MEGF8: variants seen among roughly 807,000 people sequenced by gnomAD.
The protein encoded by MEGF8 is multiple EGF like domains 8.
In MEGF8, 156 loss-of-function variants were observed where a neutral mutation model predicts 302.9. That is an observed-to-expected ratio of 0.52 (90% CI 0.45 to 0.59). The LOEUF (loss-of-function observed/expected upper bound fraction) is 0.59, where lower values mean the gene tolerates loss of function less well. Among genes scored for constraint, MEGF8 ranks in the 20% least tolerant of loss-of-function variants. The pLI, the probability that MEGF8 is intolerant of heterozygous loss-of-function variation, is 0.00. For missense variants in MEGF8, 3,345 were observed against 3,964.5 expected (o/e 0.84, Z 4.20); for synonymous variants, 1,621 against 1,660.5 (o/e 0.98, Z 0.58).
chr19:42,362,487 G>C lies in MEGF8; in HGVS notation c.5948G>C (p.Arg1983Pro), dbSNP rs968400094. The C allele has an allele frequency of 1.2e-6, 2 of 1,613,858 alleles. No homozygotes were observed. The highest frequency in any genetic ancestry group is 2.7e-5 in the African/African-American group (2 of 74,942). ...GAGAATGACTGTCGGATCAACCAGC[G>C]AGAGGTCTTCTGGGCAGGGAACTGC... ...TSENDCRINQ[R>P]EVFWAGNCSE... is the part of the protein sequence containing the mutation. Residue 1983 changes from arginine to proline, a missense_variant, in exon 34 of 42, where the codon CGA becomes CCA. By Grantham distance (103) the Arg-to-Pro change is moderately radical (BLOSUM62 -2). Transcript: ENST00000251268.
At chr19:42,372,074 A>ACAACAACAAACAC (rs1555784681) in intron 41 of MEGF8, among the ~76,000 whole-genome samples, 1 of 79,230 alleles carries the variant, frequency 1.3e-5, no homozygotes, top group African/African-American at 3.7e-5. Flanking sequence ...AACAACAACA[A>ACAACAACAAACAC]ACACACACAC....
At position 42,344,749 on chromosome 19, in the gene MEGF8, G is replaced by T. The variant is rs746207162; in HGVS notation, c.2013G>T (p.Leu671=). ...CTGCGCCTGTCTTCGTCACGTCCCT[G>T]GAGGCCTGCGTCACCCAGAGCTTCC... is the stretch of plus-strand genomic sequence containing the variant. ...WGPAPVFVTS[L]EACVTQSFLP... Residue 671 remains leucine, a synonymous_variant, in exon 12 of 42, where the codon CTG becomes CTT. Coordinates refer to ENST00000251268, the MANE Select transcript of MEGF8 (RefSeq NM_001271938.2). The surrounding 1 kb of genome is among the most constrained non-coding windows in gnomAD (Gnocchi z 4.5). 3 of 1,612,374 alleles carry T rather than the reference G, an allele frequency of 1.9e-6. No individual in the cohort carries two copies. In the East Asian group the frequency reaches 6.7e-5, roughly 36 times the overall value.
chr19:42,337,510 T>TC (rs1040878894), intron 8 of MEGF8, among the ~76,000 whole-genome samples: 14 of 148,748 alleles, frequency 9.4e-5, no homozygotes, highest in African/African-American at 2.7e-4. Flanking sequence ...TCTTTTCTTT[T>TC]TTTTTTTTTT....
In MEGF8 at chr19:42,335,060, C is replaced by T. The variant is rs1305476517; in HGVS notation, c.584C>T (p.Pro195Leu). ...ASPLGPCRCE[P>L]GFLGRACDLH... is the part of the protein sequence containing the mutation. ...CCCCTGGGACCATGCCGCTGTGAGCCTGGCTTCTTGGGACGTGCCTGTGAC... is the reference window on the plus strand; with the variant it reads ...CCCCTGGGACCATGCCGCTGTGAGCTTGGCTTCTTGGGACGTGCCTGTGAC... Residue 195 changes from proline (P) to leucine (L), a missense_variant, in exon 4 of 42, where the codon CCT becomes CTT. By Grantham distance (98) the Pro-to-Leu change is moderately conservative. Transcript: ENST00000251268. 4 of 1,613,432 alleles carry T rather than the reference C, an allele frequency of 2.5e-6. No individual in the cohort carries two copies. In the African/African-American group the frequency reaches 4.0e-5, roughly 16 times the overall value.
chr19:42,333,227 A>T (rs1160732374), intron 1 of MEGF8, among the ~76,000 whole-genome samples: 1 of 152,182 alleles, frequency 6.6e-6, no homozygotes, highest in Non-Finnish European at 1.5e-5. Context: ...ACATGTCTGA[A>T]ACTCAGGCAT....
chr19:42,333,693 C>T lies in MEGF8; in HGVS notation c.276C>T (p.Asp92=), dbSNP rs753751733. ...ACTACCTGTTCGTGTATGACGGTGACTCCCCGCGAGGGCCGCTGCTTGCCA... is the reference window on the plus strand; with the variant it reads ...ACTACCTGTTCGTGTATGACGGTGATTCCCCGCGAGGGCCGCTGCTTGCCA... The part of the protein sequence containing the change: ...TYDYLFVYDG[D]SPRGPLLASL... Residue 92 remains aspartate, a synonymous_variant, in exon 2 of 42, where the codon GAC becomes GAT. Coordinates refer to ENST00000251268, the MANE Select transcript of MEGF8 (RefSeq NM_001271938.2). 4 of 1,614,016 alleles carry T rather than the reference C, an allele frequency of 2.5e-6. No individual in the cohort carries two copies. Among genetic ancestry groups the T allele is most frequent in the Non-Finnish European group, 3.4e-6 (4 of 1,179,898 alleles).
chr19:42,352,002 C>T lies in MEGF8; in HGVS notation c.3102-206C>T, dbSNP rs912574935. On this transcript the variant is annotated intron_variant, in intron 18 of 41. Coordinates refer to ENST00000251268, the MANE Select transcript of MEGF8 (RefSeq NM_001271938.2). This position sits in a 1 kb window ranked among gnomAD's most constrained non-coding sequence, Gnocchi z 4.4. The stretch of plus-strand genomic sequence containing the variant: ...TGTCTGTTTCTGTCTCTCCGCTCTC[C>T]CTTTCACTGCATCTCTGTCTATGTC... Among the ~76,000 whole-genome samples the T allele has an allele frequency of 1.3e-5, 2 of 152,196 alleles. No homozygotes were observed. The highest frequency in any genetic ancestry group is 2.4e-5 in the African/African-American group (1 of 41,444).
Position 42,368,652 on chromosome 19 carries a change from C to A in MEGF8, c.6471C>A (p.Gly2157=). ...GCTGCATGGAGGGTGGACTCAGCGG[C>A]CCCCGTGATGGTGAGAGGGCTTTGG... ...GGRCMEGGLS[G]PRDGLTCGRP... The change falls in exon 36 of 42, where the codon GGC becomes GGA. Residue 2157 remains glycine (G), a synonymous_variant. Transcript: ENST00000251268. The surrounding 1 kb of genome is among the most constrained non-coding windows in gnomAD (Gnocchi z 4.9). 6.5e-7 allele frequency: 1 copy of A among 1,546,712 alleles called. No homozygotes were observed. Among genetic ancestry groups the A allele is most frequent in the South Asian group, 1.2e-5 (1 of 82,866 alleles).
At position 42,375,770 on chromosome 19, in the gene MEGF8, C is replaced by T. The variant is rs572752054; in HGVS notation, c.7533C>T (p.Phe2511=). ...DLYVSTSYDT[F]VVRVAPDTGV... ...ATGTCTCCACCTCCTATGACACCTT[C>T]GTGGTCCGTGTGGCCCCTGACACTG... Residue 2511 remains phenylalanine (F), a synonymous_variant, in exon 42 of 42, where the codon TTC becomes TTT. Coordinates refer to ENST00000251268, the MANE Select transcript of MEGF8 (RefSeq NM_001271938.2). This position sits in a 1 kb window ranked among gnomAD's most constrained non-coding sequence, Gnocchi z 7.1. 5.0e-5 allele frequency: 80 copies of T among 1,613,008 alleles called. No homozygotes were observed. The East Asian group carries it at 1.3e-3, about 27-fold the overall frequency.
rs372564025 is a variant in MEGF8 at position 42,370,096 on chromosome 19, C to T, written c.6835-93C>T. The T allele has an allele frequency of 1.3e-4, 180 of 1,389,678 alleles. 1 individual carries two copies. The East Asian group carries it at 1.6e-3, about 12-fold the overall frequency. 86.1% of individuals were successfully genotyped at this position (1,389,678 alleles called of 1,614,324 possible). On this transcript the variant is annotated intron_variant, in intron 38 of 41. Coordinates refer to ENST00000251268, the MANE Select transcript of MEGF8 (RefSeq NM_001271938.2). Reference sequence around the variant, plus strand: ...GGTACCCGAGCCTCTGCTGCCCTCCCGTGGGCTCTCAGAACCTGCCCCTGT... The same window carrying T: ...GGTACCCGAGCCTCTGCTGCCCTCCTGTGGGCTCTCAGAACCTGCCCCTGT...
intron 35 of MEGF8, among the ~76,000 whole-genome samples, chr19:42,365,415 G>A (rs899968544): frequency 2.6e-5 from 4 of 151,970 alleles, no homozygotes; most frequent in Non-Finnish European, 5.9e-5. Context: ...TGTTGATGGT[G>A]TATGTGAATG....
intron 41 of MEGF8, 32 bp downstream of exon 41, chr19:42,371,514 G>A: frequency 6.2e-7 from 1 of 1,613,106 alleles, no homozygotes; most frequent in Non-Finnish European, 8.5e-7. Flanking sequence ...GTGGGCCGAG[G>A]GCCCTACACC....
At position 42,343,455 on chromosome 19, in the gene MEGF8, A is replaced by T. The variant is rs1429950601; in HGVS notation, c.1514-22A>T. 3 of 1,573,126 alleles carry T rather than the reference A, an allele frequency of 1.9e-6. No homozygotes were observed. The African/African-American group carries it at 4.1e-5, about 21-fold the overall frequency. On this transcript the variant is annotated intron_variant, in intron 8 of 41. Transcript: ENST00000251268. The stretch of plus-strand genomic sequence containing the variant: ...GAGGGGCTGGGGGTCTAATAATGTC[A>T]TTGGGGTCTCTATTCCCCTAGGCCG...
At chr19:42,373,883 T>TA (rs1336008419) in intron 41 of MEGF8, among the ~76,000 whole-genome samples, 6 of 151,994 alleles carry the variant, frequency 3.9e-5, no homozygotes. Flanking sequence ...TGGCTAATTT[T>TA]AAAAAAATTT....
Position 42,351,911 on chromosome 19 carries a change from C to T in MEGF8, c.3101+150C>T, listed in dbSNP as rs1024635803. On this transcript the variant is annotated intron_variant, in intron 18 of 41. Coordinates refer to ENST00000251268, the MANE Select transcript of MEGF8 (RefSeq NM_001271938.2). This position sits in a 1 kb window ranked among gnomAD's most constrained non-coding sequence, Gnocchi z 5.6. ...ACTGTTTTTCTGTTGTTTATTTTAC[C>T]CTCCCGCTCTTTTTTCTCCATTTTT... 2.7e-6 allele frequency: 2 copies of T among 745,674 alleles called. No homozygotes were observed. Among genetic ancestry groups the T allele is most frequent in the East Asian group, 2.7e-5 (1 of 36,908 alleles). The allele number at this position is 745,674 out of a possible 1,614,324, so 46.2% of individuals were successfully genotyped here.
intron 31 of MEGF8, 29 bp from the exon 32 acceptor site, chr19:42,360,746 A>C (rs777256947): frequency 1.9e-6 from 3 of 1,553,498 alleles, no homozygotes; most frequent in Non-Finnish European, 8.7e-7. Context: ...CCTGCTCTCT[A>C]TCTGTCTGAA....
chr19:42,334,198 C>T lies in MEGF8; in HGVS notation c.543C>T (p.His181=), dbSNP rs776522130. ...AGTGCTCAGCCTACTGTGGCAGCCACGGCACCTGCGCCTCGGTGAGCCGGT... is the reference window on the plus strand; with the variant it reads ...AGTGCTCAGCCTACTGTGGCAGCCATGGCACCTGCGCCTCGGTGAGCCGGT... ...LQECSAYCGS[H]GTCASPLGPC... Residue 181 remains histidine (H), a synonymous_variant, in exon 3 of 42, where the codon CAC becomes CAT. Coordinates refer to ENST00000251268, the MANE Select transcript of MEGF8 (RefSeq NM_001271938.2). 2.8e-5 allele frequency: 45 copies of T among 1,600,534 alleles called. No homozygotes were observed. The highest frequency in any genetic ancestry group is 3.4e-5 in the Non-Finnish European group (40 of 1,172,900).
chr19:42,375,409 A>T lies in MEGF8; in HGVS notation c.7270-98A>T. ...GGGGGTGAGGCCCAGGGCAATGGCT[A>T]CTTAGCAGTGGGTATAGAGTATTCG... On this transcript the variant is annotated intron_variant, in intron 41 of 41. Transcript: ENST00000251268. The surrounding 1 kb of genome is among the most constrained non-coding windows in gnomAD (Gnocchi z 7.1). The T allele has an allele frequency of 8.1e-7, 1 of 1,236,296 alleles. No individual in the cohort carries two copies. Among genetic ancestry groups the T allele is most frequent in the Non-Finnish European group, 1.1e-6 (1 of 909,528 alleles). The allele number at this position is 1,236,296 out of a possible 1,614,324, so 76.6% of individuals were successfully genotyped here.
At chr19:42,370,540 G>A in intron 39 of MEGF8, 161 bp from the exon 40 acceptor site, 1 of 928,366 alleles carries the variant, frequency 1.1e-6, no homozygotes, top group Non-Finnish European at 1.6e-6. Context: ...TCTGAGGGAA[G>A]AGGAGCTGGG....
Sources: gnomAD v4.1 joint callset for allele counts (sites outside exome capture counted in the v4.1 genomes callset) on GRCh38, gnomAD v4.1.1 for gene constraint, Gnocchi (gnomAD v3.1) non-coding constraint, MANE v1.5 for transcripts, NCBI Gene and HGNC (gene_info 2026-07-23, HGNC 2026-07-21) for gene names.